The following MUC22 variants were observed in gnomAD, a reference collection of about 807,000 sequenced individuals.
MUC22 encodes mucin-22.
Under a neutral mutation model 40.3 loss-of-function variants are expected in MUC22, and 24 were observed. The observed-to-expected ratio is 0.60, with a 90% confidence interval of 0.43 to 0.84. The LOEUF (loss-of-function observed/expected upper bound fraction) is 0.84, where lower values mean the gene tolerates loss of function less well. Among genes scored for constraint, MUC22 ranks in the 40% least tolerant of loss-of-function variants. The pLI is 0.00. For missense variants in MUC22, 1,926 were observed against 2,130.7 expected, an observed-to-expected ratio of 0.90 and a Z score of 1.89; for synonymous variants, 765 against 844.5, an observed-to-expected ratio of 0.91 and a Z score of 1.63.
intron 1 of MUC22, among the ~76,000 whole-genome samples, chr6:31,016,504 G>A (rs574621122): frequency 2.6e-5 from 4 of 152,354 alleles, no homozygotes; most frequent in African/African-American, 9.6e-5. Flanking sequence ...ATCCTGTCTA[G>A]AGCATACTAG....
chr6:31,028,244 C>T lies in MUC22; in HGVS notation c.2813C>T (p.Ser938Phe), dbSNP rs1765624295. 4 of 1,534,856 alleles carry T rather than the reference C, an allele frequency of 2.6e-6. No individual in the cohort carries two copies. The Admixed American group carries it at 5.9e-5, about 23-fold the overall frequency. ...GCCACAGGCTCTGAGACCACAGTCT[C>T]TACTGAAGGCTCTGGGACCACTACA... The change falls in exon 2 of 4, where the codon TCT becomes TTT. Residue 938 changes from serine to phenylalanine, a missense_variant. Coordinates refer to ENST00000561890, the Ensembl canonical transcript of MUC22.
Position 31,027,320 on chromosome 6 carries a change from CT to C in MUC22, c.1890del (p.Glu631LysfsTer45). The C allele has an allele frequency of 6.5e-7, 1 of 1,530,456 alleles. No individual in the cohort carries two copies. The highest frequency in any genetic ancestry group is 8.7e-7 in the Non-Finnish European group (1 of 1,146,060). 94.8% of individuals were successfully genotyped at this position (1,530,456 alleles called of 1,614,324 possible). ...GGCTCTGAGACCACCACAGCCTCTACTGAAGGCTCTGAGACCACCACAGCTT... is the reference window on the plus strand; with the variant it reads ...GGCTCTGAGACCACCACAGCCTCTACGAAGGCTCTGAGACCACCACAGCTT... On this transcript the variant is annotated frameshift_variant, in exon 2 of 4. Coordinates refer to ENST00000561890, the Ensembl canonical transcript of MUC22. LOFTEE classifies it high-confidence loss of function.
At position 31,026,493 on chromosome 6, in the gene MUC22, T is replaced by A. The variant is rs1303943865; in HGVS notation, c.1062T>A (p.Ser354=). ...AGACCACCGTCTCCACTGCAGGCTC[T>A]GAGACCACTACAGTCTCTATCACAG... Residue 354 remains serine, a synonymous_variant, in exon 2 of 4, where the codon TCT becomes TCA. Coordinates refer to ENST00000561890, the Ensembl canonical transcript of MUC22. 2.7e-6 allele frequency: 4 copies of A among 1,506,740 alleles called. No homozygotes were observed. In the African/African-American group the frequency reaches 4.2e-5, roughly 16 times the overall value. The allele number at this position is 1,506,740 out of a possible 1,614,324, so 93.3% of individuals were successfully genotyped here.
intron 1 of MUC22, among the ~76,000 whole-genome samples, chr6:31,012,491 G>A (rs528963179): frequency 6.6e-6 from 1 of 152,314 alleles, no homozygotes; most frequent in East Asian, 1.9e-4. Flanking sequence ...TGTCATTCAT[G>A]TAGTCATTCA....
chr6:31,027,726 C>G (rs1419737571), exon 2 of MUC22: 1 of 1,530,262 alleles, frequency 6.5e-7, no homozygotes, highest in South Asian at 1.2e-5. Context: ...GCTCTGAGAC[C>G]ACTGCAGTCT....
chr6:31,027,777 C>G, exon 2 of MUC22: 7 of 1,531,808 alleles, frequency 4.6e-6, no homozygotes, highest in Non-Finnish European at 6.1e-6. Flanking sequence ...CTACTGAAGG[C>G]TCTGAGAACA....
At chr6:31,018,264 T>G (rs575915068) in intron 1 of MUC22, among the ~76,000 whole-genome samples, 1 of 152,348 alleles carries the variant, frequency 6.6e-6, no homozygotes, top group African/African-American at 2.4e-5. Context: ...TCCAAGTGCT[T>G]GAGTGGAAGG....
At chr6:31,022,572 T>C (rs1167785585) in intron 1 of MUC22, among the ~76,000 whole-genome samples, 1 of 150,848 alleles carries the variant, frequency 6.6e-6, no homozygotes, top group Non-Finnish European at 1.5e-5. Flanking sequence ...ATTTTTTTCA[T>C]TTAAATTTTA....
chr6:31,034,874 A>T (rs1766337279), exon 4 of MUC22: 1 of 1,535,430 alleles, frequency 6.5e-7, no homozygotes, highest in Non-Finnish European at 8.7e-7. Context: ...GGACTGAGCC[A>T]CATCCATGGA....
chr6:31,014,273 C>T (rs1264604849), intron 1 of MUC22, among the ~76,000 whole-genome samples: 2 of 151,970 alleles, frequency 1.3e-5, no homozygotes, highest in African/African-American at 4.8e-5. Context: ...TTAATTCATC[C>T]CAAAACCTCC....
At chr6:31,010,633 C>G (rs1439911050) in exon 1 of MUC22, 1 of 699,090 alleles carries the variant, frequency 1.4e-6, no homozygotes, top group Non-Finnish European at 2.6e-6. Context: ...CCCCTTGTCT[C>G]TCTGCCTCTT....
chr6:31,010,687 T>G, exon 1 of MUC22: 1 of 702,548 alleles, frequency 1.4e-6, no homozygotes, highest in Non-Finnish European at 2.6e-6. Flanking sequence ...AATGACAACT[T>G]CTATGTGCAT....
At chr6:31,009,122 C>G (rs2394431), upstream of MUC22, among the ~76,000 whole-genome samples, 176 of 152,294 alleles carry the variant, frequency 1.2e-3, 1 homozygote, top group African/African-American at 3.7e-3. Flanking sequence ...AGTTTGTACC[C>G]TTGACTGTTG....
chr6:31,032,638 T>C lies in MUC22; in HGVS notation c.5055+57T>C. ...CTGGCAAGAAGGCAGGGGGGAATCA[T>C]GTCAGCAGTGCTTTGGAAAAATCCA... On this transcript the variant is annotated intron_variant, in intron 3 of 3. Transcript: ENST00000561890. The surrounding 1 kb of genome is among the most constrained non-coding windows in gnomAD (Gnocchi z 4.1). The C allele has an allele frequency of 2.0e-6, 3 of 1,479,500 alleles. No homozygotes were observed. The highest frequency in any genetic ancestry group is 2.7e-6 in the Non-Finnish European group (3 of 1,116,334). 91.6% of individuals were successfully genotyped at this position (1,479,500 alleles called of 1,614,324 possible).
At position 31,034,868 on chromosome 6, in the gene MUC22, T is replaced by C. The variant is rs1025366407; in HGVS notation, c.5252T>C (p.Leu1751Pro). 5.9e-6 allele frequency: 9 copies of C among 1,535,366 alleles called. No homozygotes were observed. In the African/African-American group the frequency reaches 8.2e-5, roughly 14 times the overall value. Reference sequence around the variant, plus strand: ...TTTGGATATGGAGTGGGCCATGGACTGAGCCACATCCATGGAGATGGCTAC... The same window carrying C: ...TTTGGATATGGAGTGGGCCATGGACCGAGCCACATCCATGGAGATGGCTAC... Residue 1751 changes from leucine to proline, a missense_variant, in exon 4 of 4, where the codon CTG (leucine) becomes CCG (proline). Leu to Pro is a moderately conservative substitution (Grantham distance 98). Around this residue, in one of 3 missense-constraint regions of MUC22, gnomAD observed 610 missense variants for 714.6 expected, o/e 0.85. Transcript: ENST00000561890.
At chr6:31,021,105 G>T (rs1764692014) in intron 1 of MUC22, among the ~76,000 whole-genome samples, 1 of 152,264 alleles carries the variant, frequency 6.6e-6, no homozygotes, top group South Asian at 2.1e-4. Context: ...TGAGGACTGT[G>T]AGCGCATGGC....
intron 1 of MUC22, among the ~76,000 whole-genome samples, chr6:31,020,764 G>A (rs1160720717): frequency 2.0e-5 from 3 of 152,104 alleles, no homozygotes; most frequent in African/African-American, 4.8e-5. Context: ...CGGCGCTTGC[G>A]GGCCAGCTGC....
intron 1 of MUC22, among the ~76,000 whole-genome samples, chr6:31,017,872 T>G (rs1764351520): frequency 6.6e-6 from 1 of 152,206 alleles, no homozygotes; most frequent in Non-Finnish European, 1.5e-5. Context: ...GTGTGGAAAC[T>G]TTGTTCTTTC....
upstream of MUC22, among the ~76,000 whole-genome samples, chr6:31,009,774 C>G (rs915729742): frequency 6.6e-6 from 1 of 152,200 alleles, no homozygotes. Flanking sequence ...CAATCAACTG[C>G]TAGTTGTGAG....
Sources: gnomAD v4.1 joint callset for allele counts (sites outside exome capture counted in the v4.1 genomes callset) on GRCh38, gnomAD v4.1.1 for gene constraint, gnomAD v4.1.1 regional missense constraint, Gnocchi (gnomAD v3.1) non-coding constraint, MANE v1.5 for transcripts, NCBI Gene and HGNC (gene_info 2026-07-23, HGNC 2026-07-21) for gene names.